The following CTBP2 variants were observed in gnomAD, a reference collection of about 807,000 sequenced individuals.
The protein encoded by CTBP2 is C-terminal-binding protein 2.
A neutral mutation model predicts 80.3 loss-of-function variants in CTBP2; 30 were observed. The observed-to-expected ratio is 0.37, with a 90% CI of 0.28 to 0.51. The LOEUF (loss-of-function observed/expected upper bound fraction) is 0.51, where lower values mean the gene tolerates loss of function less well. Ranked by LOEUF, CTBP2 falls within the 20% of genes least tolerant of loss-of-function variation. The probability of loss-of-function intolerance (pLI) is 0.93; values close to 1 mark genes in which losing one functional copy is unlikely to be tolerated. For synonymous variants in CTBP2, 594 were observed against 587.4 expected, an observed-to-expected ratio of 1.01 and a Z score of -0.16; for missense variants, 1,212 against 1,375.3, an observed-to-expected ratio of 0.88 and a Z score of 1.88.
intron 2 of CTBP2, among the ~76,000 whole-genome samples, chr10:125,061,612 A>G (rs1964986276): frequency 6.6e-6 from 1 of 152,164 alleles, no homozygotes; most frequent in Non-Finnish European, 1.5e-5. Context: ...AGGATATAAC[A>G]GCGTCTACGG....
At chr10:125,142,314 C>T (rs974598306) in intron 1 of CTBP2, among the ~76,000 whole-genome samples, 6 of 152,140 alleles carry the variant, frequency 3.9e-5, no homozygotes, top group African/African-American at 1.4e-4. Context: ...TCTGCTGTGA[C>T]CAGAGCACCC....
intron 1 of CTBP2, among the ~76,000 whole-genome samples, chr10:125,128,840 T>C (rs1232758156): frequency 6.6e-6 from 1 of 152,222 alleles, no homozygotes; most frequent in African/African-American, 2.4e-5. Flanking sequence ...CAAAAAGACA[T>C]GCATGAGAAT....
intron 1 of CTBP2, among the ~76,000 whole-genome samples, chr10:125,136,206 C>A (rs372987888): frequency 2.0e-5 from 3 of 152,266 alleles, no homozygotes; most frequent in African/African-American, 7.2e-5. Flanking sequence ...AGGGGGCGGC[C>A]TCCTAGGGGA....
At chr10:125,115,981 G>T (rs12779410) in intron 1 of CTBP2, among the ~76,000 whole-genome samples, 21,645 of 152,080 alleles carry the variant, frequency 0.14, 1,709 homozygotes, top group African/African-American at 0.2. Context: ...AGACCTCTCT[G>T]GACTAGATGC....
chr10:125,161,407 G>A (rs1861883383), upstream of CTBP2, among the ~76,000 whole-genome samples: 1 of 152,100 alleles, frequency 6.6e-6, no homozygotes, highest in Admixed American at 6.5e-5. Flanking sequence ...CGGCCACGTG[G>A]GGGAACGCGA....
At chr10:125,080,387 G>C (rs147750272) in intron 2 of CTBP2, among the ~76,000 whole-genome samples, 42 of 152,268 alleles carry the variant, frequency 2.8e-4, no homozygotes, top group Non-Finnish European at 1.3e-4. Context: ...AGGGCAGGTG[G>C]GCTAAGTGAG....
rs1955983244 is a variant in CTBP2, at chr10:125,012,015, C to T, written c.1679-8523G>A. 2.0e-5 allele frequency among the ~76,000 whole-genome samples: 3 copies of T among 152,240 alleles called. No homozygotes were observed. The South Asian group carries it at 6.2e-4, about 32-fold the overall frequency. On this transcript the variant is annotated intron_variant, in intron 1 of 8. Transcript: ENST00000309035. ...CCACCCGGGGCAGATCCAACAACCC[C>T]ACCCAGCCTGTGTGAATGCAGACAC...
intron 2 of CTBP2, among the ~76,000 whole-genome samples, chr10:125,091,599 C>T (rs977374516): frequency 3.3e-5 from 5 of 152,202 alleles, no homozygotes; most frequent in Admixed American, 3.3e-4. Context: ...ACAGGGAGAC[C>T]CCATCTCTAC....
chr10:125,125,047 C>T (rs1162578717), intron 1 of CTBP2, among the ~76,000 whole-genome samples: 1 of 152,202 alleles, frequency 6.6e-6, no homozygotes, highest in Non-Finnish European at 1.5e-5. Context: ...GGTGCCACTG[C>T]CACTGGCTGT....
At chr10:125,030,350 GGA>G (rs1958050877), upstream of CTBP2, among the ~76,000 whole-genome samples, 1 of 152,144 alleles carries the variant, frequency 6.6e-6, no homozygotes, top group South Asian at 2.1e-4. Flanking sequence ...GCTGTGTCGG[GGA>G]GAGAGGCGAT....
At position 125,040,047 on chromosome 10, in the gene CTBP2, TCTGA is replaced by T. The variant is rs541941105; in HGVS notation, c.-101-896_-101-893del. Among the ~76,000 whole-genome samples, 24 of 152,274 alleles carry T rather than the reference TCTGA, an allele frequency of 1.6e-4. No homozygotes were observed. The South Asian group carries it at 4.8e-3, about 30-fold the overall frequency. Reference sequence around the variant, plus strand: ...GGAGGATCTGAGCACTTTGGAAGCCTCTGACTGTCACCAATGTGCCCGGTGAGGT... The same window carrying T: ...GGAGGATCTGAGCACTTTGGAAGCCTCTGTCACCAATGTGCCCGGTGAGGT... On this transcript the variant is annotated intron_variant, in intron 2 of 10. Coordinates refer to the CTBP2 transcript ENST00000337195.
intron 2 of CTBP2, among the ~76,000 whole-genome samples, chr10:125,078,629 C>T (rs563663296): frequency 8.9e-4 from 136 of 151,984 alleles, no homozygotes; most frequent in Non-Finnish European, 1.5e-3. Flanking sequence ...AGGTCACAGA[C>T]AAGCCAAGCT....
chr10:125,000,976 G>T (rs994042849), intron 3 of CTBP2: 1 of 152,270 alleles, frequency 6.6e-6, no homozygotes, highest in African/African-American at 2.4e-5. Context: ...GATGGGACCA[G>T]GATCAATGAA....
At chr10:125,089,666 T>TGCTTCCAGGAGGCGGAAGCTGGGCA (rs1848490717) in intron 2 of CTBP2, among the ~76,000 whole-genome samples, 3 of 152,170 alleles carry the variant, frequency 2.0e-5, no homozygotes, top group Non-Finnish European at 4.4e-5. Flanking sequence ...GAGAAAAGGA[T>TGCTTCCAGGAGGCGGAAGCTGGGCA]GCTTCCAGGA....
chr10:125,145,840 C>T (rs1858673318), intron 1 of CTBP2, among the ~76,000 whole-genome samples: 1 of 152,188 alleles, frequency 6.6e-6, no homozygotes, highest in South Asian at 2.1e-4. Flanking sequence ...TGGTCCCTGG[C>T]CAGCTGAGAT....
intron 3 of CTBP2, among the ~76,000 whole-genome samples, chr10:125,038,281 C>T (rs1959084409): frequency 6.6e-6 from 1 of 152,184 alleles, no homozygotes; most frequent in Non-Finnish European, 1.5e-5. Flanking sequence ...GAGGGGGCTG[C>T]GGAGCCATCT....
rs75007896 is a variant in CTBP2, at chr10:125,088,010, C to T, written c.-102+22980G>A. 8.0e-3 allele frequency among the ~76,000 whole-genome samples: 1,219 copies of T among 152,250 alleles called. 19 individuals are homozygous for T. The highest frequency in any genetic ancestry group is 0.028 in the African/African-American group (1,156 of 41,538). Reference sequence around the variant, plus strand: ...CTGCACCGTCCATTCCCACCTCCTTCGGTGAGCTCTTCAAATGGTCAAGGC... The same window carrying T: ...CTGCACCGTCCATTCCCACCTCCTTTGGTGAGCTCTTCAAATGGTCAAGGC... On this transcript the variant is annotated intron_variant, in intron 2 of 10. Transcript: ENST00000337195.
At position 125,070,187 on chromosome 10, in the gene CTBP2, T is replaced by G. The variant is rs180785193; in HGVS notation, c.-101-31032A>C. 1.2e-4 allele frequency among the ~76,000 whole-genome samples: 18 copies of G among 151,994 alleles called. No individual in the cohort carries two copies. The East Asian group carries it at 3.5e-3, about 29-fold the overall frequency. The stretch of plus-strand genomic sequence containing the variant: ...TAACAAGGTGAAACCCGGTCTCTAC[T>G]AAAAATACAAAAAATTAGCCAGGTG... On this transcript the variant is annotated intron_variant, in intron 2 of 10. Transcript: ENST00000337195.
At chr10:125,143,212 G>A (rs1858156515) in intron 1 of CTBP2, among the ~76,000 whole-genome samples, 1 of 152,164 alleles carries the variant, frequency 6.6e-6, no homozygotes, top group Admixed American at 6.5e-5. Flanking sequence ...AGCCGGCCGG[G>A]TGTGTTGGCT....
Sources: allele counts gnomAD v4.1 joint callset (sites outside exome capture counted in the v4.1 genomes callset), GRCh38; gene constraint gnomAD v4.1.1; transcripts MANE v1.5; gene names NCBI Gene and HGNC (gene_info 2026-07-23, HGNC 2026-07-21).